The following MAMDC2 variants were observed in gnomAD, a reference collection of about 807,000 sequenced individuals.
The protein encoded by MAMDC2 is MAM domain containing 2, also known as MAM domain-containing protein 2.
Under a neutral mutation model 89.8 loss-of-function variants are expected in MAMDC2, and 57 were observed. That is an observed-to-expected ratio of 0.63 (90% CI 0.51 to 0.79). The LOEUF (loss-of-function observed/expected upper bound fraction) is 0.79. Among genes scored for constraint, MAMDC2 ranks in the 30% least tolerant of loss-of-function variants. MAMDC2 has a pLI of 0.00. For synonymous variants in MAMDC2, 313 were observed against 293.4 expected (o/e 1.07, Z -0.68); for missense variants, 800 against 820.6 (o/e 0.97, Z 0.31).
At position 70,170,544 on chromosome 9, in the gene MAMDC2, A is replaced by G. The variant is rs1179184869; in HGVS notation, c.1564A>G (p.Lys522Glu). ...EQDECTFTQEKRNRSSWHRRR... is the reference protein window; with the variant it reads ...EQDECTFTQEERNRSSWHRRR... ...AGATGAATGTACATTTACTCAGGAG[A>G]AAAGAAACCGGAGCAGCTGGCACAG... is the stretch of plus-strand genomic sequence containing the variant. Residue 522 changes from lysine to glutamate, a missense_variant, in exon 11 of 14, where the codon AAA becomes GAA. Transcript: ENST00000377182. The G allele has an allele frequency of 1.2e-6, 2 of 1,613,304 alleles. No homozygotes were observed. Among genetic ancestry groups the G allele is most frequent in the Non-Finnish European group, 1.7e-6 (2 of 1,179,816 alleles).
In MAMDC2 at chr9:70,212,772, G is replaced by A. The variant is rs151072706; in HGVS notation, c.1652-5565G>A. Among the ~76,000 whole-genome samples, 574 of 152,194 alleles carry A rather than the reference G, an allele frequency of 3.8e-3. 2 individuals are homozygous for A. Among genetic ancestry groups the A allele is most frequent in the African/African-American group, 0.013 (548 of 41,514 alleles). On this transcript the variant is annotated intron_variant, in intron 11 of 13. Coordinates refer to ENST00000377182, the MANE Select transcript of MAMDC2 (RefSeq NM_153267.5). The stretch of plus-strand genomic sequence containing the variant: ...TCTTGGAACCTCCTCCTATTTTATG[G>A]TACTAAATACAAAGGTTCCTGGAAC...
At chr9:70,167,133 G>A (rs959940839) in intron 9 of MAMDC2, among the ~76,000 whole-genome samples, 7 of 151,436 alleles carry the variant, frequency 4.6e-5, no homozygotes, top group South Asian at 4.2e-4. Context: ...AGAAGTAAAC[G>A]AGAAAAAAAA....
intron 11 of MAMDC2, among the ~76,000 whole-genome samples, chr9:70,188,013 G>A (rs1441934853): frequency 6.6e-6 from 1 of 152,038 alleles, no homozygotes; most frequent in Non-Finnish European, 1.5e-5. Context: ...AGTGTATTAG[G>A]GTTTCAGTTT....
chr9:70,101,355 AAAG>A (rs1251582120), intron 2 of MAMDC2, among the ~76,000 whole-genome samples: 2 of 149,650 alleles, frequency 1.3e-5, no homozygotes, highest in Admixed American at 6.6e-5. Context: ...ATTATTGAAA[AAAG>A]AAAAATATTT....
intron 2 of MAMDC2, among the ~76,000 whole-genome samples, chr9:70,099,063 G>A (rs1828096720): frequency 6.6e-6 from 1 of 152,030 alleles, no homozygotes; most frequent in African/African-American, 2.4e-5. Context: ...TAGTAAAATT[G>A]GAAACTTCAA....
chr9:70,096,676 CAATT>C (rs1828036635), intron 2 of MAMDC2, among the ~76,000 whole-genome samples: 1 of 151,984 alleles, frequency 6.6e-6, no homozygotes, highest in African/African-American at 2.4e-5. Context: ...ATTAGGGAGG[CAATT>C]AGTTACTGCT....
intron 5 of MAMDC2, among the ~76,000 whole-genome samples, chr9:70,114,754 C>G (rs980619994): frequency 2.0e-5 from 3 of 151,948 alleles, no homozygotes; most frequent in African/African-American, 7.3e-5. Flanking sequence ...AAGACGCTTT[C>G]AAGAAAGGAA....
intron 9 of MAMDC2, among the ~76,000 whole-genome samples, chr9:70,162,815 C>T (rs1393487384): frequency 6.6e-6 from 1 of 150,964 alleles, no homozygotes; most frequent in Non-Finnish European, 1.5e-5. Flanking sequence ...CTTTTATGAA[C>T]TTTGACAGGC....
chr9:70,169,554 C>G (rs1927126), intron 10 of MAMDC2: 119,881 of 152,158 alleles, frequency 0.79, 47,358 homozygotes, highest in Admixed American at 0.83. Context: ...AATCGTTCCA[C>G]TCAAGGCATA....
chr9:70,141,334 A>T (rs1291899229), intron 8 of MAMDC2, among the ~76,000 whole-genome samples: 1 of 152,094 alleles, frequency 6.6e-6, no homozygotes, highest in Non-Finnish European at 1.5e-5. Flanking sequence ...GACTCACCAT[A>T]CTCTCAGTTT....
intron 9 of MAMDC2, among the ~76,000 whole-genome samples, chr9:70,166,272 T>TACAC (rs551265332): frequency 5.0e-3 from 247 of 49,844 alleles, no homozygotes; most frequent in South Asian, 0.014. Flanking sequence ...AATATATATA[T>TACAC]ATATACACAC....
intron 2 of MAMDC2, among the ~76,000 whole-genome samples, chr9:70,054,156 T>C (rs1826975419): frequency 6.6e-6 from 1 of 152,138 alleles, no homozygotes; most frequent in Admixed American, 6.6e-5. Flanking sequence ...GGCATTGATG[T>C]AAGAATCTAA....
At chr9:70,064,991 G>A (rs1276176749) in intron 2 of MAMDC2, among the ~76,000 whole-genome samples, 2 of 152,198 alleles carry the variant, frequency 1.3e-5, no homozygotes, top group Admixed American at 1.3e-4. Flanking sequence ...AGAGCTTCAT[G>A]TGAATTAATA....
chr9:70,056,710 T>C (rs1258506650), intron 2 of MAMDC2, among the ~76,000 whole-genome samples: 2 of 152,140 alleles, frequency 1.3e-5, no homozygotes, highest in Non-Finnish European at 2.9e-5. Context: ...ACCGGTCTAC[T>C]AGAAGCCCAG....
intron 2 of MAMDC2, among the ~76,000 whole-genome samples, chr9:70,072,297 C>G (rs1827426632): frequency 6.6e-6 from 1 of 152,158 alleles, no homozygotes; most frequent in African/African-American, 2.4e-5. Flanking sequence ...TCACCATGAT[C>G]ACCAGTCCCA....
chr9:70,152,098 C>T (rs2031600573), intron 9 of MAMDC2, among the ~76,000 whole-genome samples: 1 of 152,194 alleles, frequency 6.6e-6, no homozygotes, highest in South Asian at 2.1e-4. Flanking sequence ...ACTCCTGATG[C>T]CTGCCTTCTG....
At chr9:70,186,097 G>A (rs1371229508) in intron 11 of MAMDC2, among the ~76,000 whole-genome samples, 3 of 151,406 alleles carry the variant, frequency 2.0e-5, no homozygotes, top group Admixed American at 6.6e-5. Flanking sequence ...CTAACATTAC[G>A]ATAGTTGTAT....
chr9:70,085,515 C>T (rs1208945164), intron 2 of MAMDC2, among the ~76,000 whole-genome samples: 1 of 152,122 alleles, frequency 6.6e-6, no homozygotes, highest in African/African-American at 2.4e-5. Flanking sequence ...TATATTCCTG[C>T]CTAGCTTAGT....
At chr9:70,192,680 G>T (rs966132928) in intron 11 of MAMDC2, among the ~76,000 whole-genome samples, 1 of 152,058 alleles carries the variant, frequency 6.6e-6, no homozygotes, top group Non-Finnish European at 1.5e-5. Context: ...CTATGTTAAA[G>T]AAAAAATTAT....
Sources: gnomAD v4.1 joint callset for allele counts (sites outside exome capture counted in the v4.1 genomes callset) on GRCh38, gnomAD v4.1.1 for gene constraint, MANE v1.5 for transcripts, NCBI Gene and HGNC (gene_info 2026-07-23, HGNC 2026-07-21) for gene names.